CCBE1: variants seen among roughly 807,000 people sequenced by gnomAD.
CCBE1 encodes collagen and calcium-binding EGF domain-containing protein 1.
CCBE1 carries 37 observed loss-of-function variants against 50.0 expected under a neutral mutation model. The ratio of observed to expected loss-of-function variants is 0.74; its 90% CI spans 0.57 to 0.97. The LOEUF is 0.97. Among genes scored for constraint, CCBE1 ranks in the 50% least tolerant of loss-of-function variants. The probability of loss-of-function intolerance (pLI) is 0.00; values close to 1 mark genes in which losing one functional copy is unlikely to be tolerated. For synonymous variants in CCBE1, 234 were observed against 203.7 expected (o/e 1.15, Z -1.27); for missense variants, 538 against 523.8 (o/e 1.03, Z -0.26).
chr18:59,679,351 T>C (rs1376836316), intron 2 of CCBE1, among the ~76,000 whole-genome samples: 1 of 152,100 alleles, frequency 6.6e-6, no homozygotes, highest in Non-Finnish European at 1.5e-5. Context: ...GGAAAAAAAA[T>C]GTTTAATATT....
intron 2 of CCBE1, among the ~76,000 whole-genome samples, chr18:59,562,387 G>C (rs774253053): frequency 7.9e-5 from 12 of 152,276 alleles, no homozygotes; most frequent in Middle Eastern, 3.4e-3. Flanking sequence ...TCCCACCACA[G>C]ACAAACTGGT....
intron 2 of CCBE1, among the ~76,000 whole-genome samples, chr18:59,659,073 T>C (rs541657781): frequency 6.6e-6 from 1 of 152,176 alleles, no homozygotes; most frequent in Non-Finnish European, 1.5e-5. Context: ...AGCGAGCCCG[T>C]GCATGCCACG....
chr18:59,635,657 T>C (rs1001547028), intron 2 of CCBE1, among the ~76,000 whole-genome samples: 22 of 151,982 alleles, frequency 1.4e-4, no homozygotes, highest in African/African-American at 5.3e-4. Flanking sequence ...AAGGTGATTG[T>C]TCACCTAAGA....
At chr18:59,510,824 A>G (rs1295001739) in intron 2 of CCBE1, among the ~76,000 whole-genome samples, 1 of 152,230 alleles carries the variant, frequency 6.6e-6, no homozygotes, top group Non-Finnish European at 1.5e-5. Flanking sequence ...ATGCATGCAT[A>G]AAGAAACATA....
intron 2 of CCBE1, among the ~76,000 whole-genome samples, chr18:59,540,247 T>G (rs4940470): frequency 0.21 from 31,927 of 152,108 alleles, 3,557 homozygotes; most frequent in Admixed American, 0.24. Context: ...GACTTTTTTT[T>G]GTTGGTTTTT....
At chr18:59,681,189 C>T (rs560989277) in intron 2 of CCBE1, among the ~76,000 whole-genome samples, 1 of 152,160 alleles carries the variant, frequency 6.6e-6, no homozygotes, top group South Asian at 2.1e-4. Context: ...AGCAGCAGAA[C>T]GATGAAAATG....
At chr18:59,539,656 A>G (rs12970742) in intron 2 of CCBE1, among the ~76,000 whole-genome samples, 46,550 of 152,118 alleles carry the variant, frequency 0.31, 7,278 homozygotes, top group Admixed American at 0.34. Flanking sequence ...GGCTATTGGC[A>G]GTAACATCAT....
chr18:59,505,176 G>T (rs368674518), intron 2 of CCBE1, among the ~76,000 whole-genome samples: 3 of 152,228 alleles, frequency 2.0e-5, no homozygotes, highest in African/African-American at 7.2e-5. Flanking sequence ...AGGGAGGAGT[G>T]GAAAAGTATA....
chr18:59,527,158 A>G (rs1360303979), intron 2 of CCBE1, among the ~76,000 whole-genome samples: 6 of 152,118 alleles, frequency 3.9e-5, no homozygotes, highest in Non-Finnish European at 8.8e-5. Flanking sequence ...GTTCTCTAAG[A>G]ACTTGTTTTA....
chr18:59,448,879 T>A (rs1446781694), intron 6 of CCBE1, among the ~76,000 whole-genome samples: 1 of 152,156 alleles, frequency 6.6e-6, no homozygotes, highest in Non-Finnish European at 1.5e-5. Context: ...ACTGTGTGCC[T>A]GGGATATATT....
intron 2 of CCBE1, among the ~76,000 whole-genome samples, chr18:59,508,711 C>CTTTTTTTTTTTTTTTTTTTTTT (rs55881131): frequency 1.0e-5 from 1 of 95,684 alleles, no homozygotes; most frequent in African/African-American, 4.5e-5. Context: ...TAGAGTTACG[C>CTTTTTTTTTTTTTTTTTTTTTT]TTTTTTTTTT....
At position 59,672,924 on chromosome 18, in the gene CCBE1, G is replaced by A. The variant is rs540760065; in HGVS notation, c.212+23705C>T. Among the ~76,000 whole-genome samples the A allele has an allele frequency of 3.0e-4, 45 of 152,038 alleles. 2 individuals carry two copies. The highest frequency in any genetic ancestry group is 1.5e-3 in the East Asian group (8 of 5,172). ...TCAGTGTATATTGCTCGGGTGATAG[G>A]TACATCAAGATCTCACAAATCACCG... On this transcript the variant is annotated intron_variant, in intron 2 of 10. Coordinates refer to ENST00000439986, the MANE Select transcript of CCBE1 (RefSeq NM_133459.4).
At chr18:59,460,936 A>AAAATAAATAAAT (rs59182848) in intron 5 of CCBE1, among the ~76,000 whole-genome samples, 20,048 of 141,030 alleles carry the variant, frequency 0.14, 1,515 homozygotes, top group Non-Finnish European at 0.16. Flanking sequence ...CTCTGTCTCA[A>AAAATAAATAAAT]AAATAAATAA....
At chr18:59,658,519 G>A (rs917190934) in intron 2 of CCBE1, among the ~76,000 whole-genome samples, 1 of 144,510 alleles carries the variant, frequency 6.9e-6, no homozygotes, top group Admixed American at 7.1e-5. Context: ...AGTGAGCTGT[G>A]ATTGTGCCAC....
At chr18:59,573,312 T>TA (rs1392749747) in intron 2 of CCBE1, among the ~76,000 whole-genome samples, 10 of 141,582 alleles carry the variant, frequency 7.1e-5, no homozygotes, top group Non-Finnish European at 1.2e-4. Context: ...TGTATGTATG[T>TA]GATAGGCCTC....
chr18:59,672,757 T>C (rs902042511), intron 2 of CCBE1, among the ~76,000 whole-genome samples: 2 of 152,148 alleles, frequency 1.3e-5, no homozygotes, highest in Non-Finnish European at 2.9e-5. Flanking sequence ...TTTGTTATGC[T>C]GCAACAGATG....
At chr18:59,648,583 G>A (rs1242490664) in intron 2 of CCBE1, among the ~76,000 whole-genome samples, 1 of 152,216 alleles carries the variant, frequency 6.6e-6, no homozygotes, top group African/African-American at 2.4e-5. Flanking sequence ...GCGCATGCCT[G>A]TAGTCCTAGT....
chr18:59,689,213 C>T (rs374246547), intron 2 of CCBE1, among the ~76,000 whole-genome samples: 36 of 152,324 alleles, frequency 2.4e-4, no homozygotes, highest in African/African-American at 8.2e-4. Context: ...ACATAGCCTC[C>T]TGTGGGACAG....
chr18:59,696,690 T>C lies in CCBE1; in HGVS notation c.151A>G (p.Lys51Glu), dbSNP rs769975422. The change falls in exon 2 of 11, where the codon AAA becomes GAA. Residue 51 changes from lysine (K) to glutamate (E), a missense_variant. Physicochemically the swap from Lys to Glu is moderately conservative, Grantham distance 56. Transcript: ENST00000439986. ...CACGGGTATTTAGTCGTCGCGATTT[T>C]GCTCTCTGAGCAGATTTCTCTATGA... The part of the protein sequence containing the change: ...DGDREICSES[K>E]IATTKYPCLK... 2.5e-6 allele frequency: 4 copies of C among 1,613,948 alleles called. No individual in the cohort carries two copies. Among genetic ancestry groups the C allele is most frequent in the African/African-American group, 1.3e-5 (1 of 74,942 alleles).
Sources: gnomAD v4.1 joint callset for allele counts (sites outside exome capture counted in the v4.1 genomes callset) on GRCh38, gnomAD v4.1.1 for gene constraint, MANE v1.5 for transcripts, NCBI Gene and HGNC (gene_info 2026-07-23, HGNC 2026-07-21) for gene names.